The following SGCD variants were observed in gnomAD, a reference collection of about 807,000 sequenced individuals.
SGCD encodes delta-sarcoglycan.
Under a neutral mutation model 36.6 loss-of-function variants are expected in SGCD, and 18 were observed. The observed-to-expected ratio is 0.49, with a 90% CI of 0.34 to 0.73. The LOEUF (loss-of-function observed/expected upper bound fraction) is 0.73, where lower values mean the gene tolerates loss of function less well. Among genes scored for constraint, SGCD ranks in the 30% least tolerant of loss-of-function variants. SGCD has a pLI of 0.01. For missense variants in SGCD, 387 were observed against 346.7 expected (o/e 1.12, Z -0.92); for synonymous variants, 133 against 130.6 (o/e 1.02, Z -0.12).
intron 3 of SGCD, among the ~76,000 whole-genome samples, chr5:156,429,127 T>G (rs1416688042): frequency 6.6e-6 from 1 of 152,086 alleles, no homozygotes; most frequent in African/African-American, 2.4e-5. Context: ...ATTATGTTGC[T>G]GTCTATCTCA....
chr5:156,019,260 TA>T (rs1444202475), intron 1 of SGCD, among the ~76,000 whole-genome samples: 2 of 152,232 alleles, frequency 1.3e-5, no homozygotes, highest in Non-Finnish European at 2.9e-5. Flanking sequence ...AAATGATAGC[TA>T]GGGAGCAGTA....
At chr5:156,076,428 T>G (rs1760786055) in intron 1 of SGCD, among the ~76,000 whole-genome samples, 1 of 152,128 alleles carries the variant, frequency 6.6e-6, no homozygotes, top group African/African-American at 2.4e-5. Flanking sequence ...CTTACCACCT[T>G]GTTCAGTTCA....
At chr5:155,798,349 T>C in the SGCD span, among the ~76,000 whole-genome samples, 1 of 152,230 alleles carries the variant, frequency 6.6e-6, no homozygotes, top group South Asian at 2.1e-4. Context: ...CACGTGGTTA[T>C]ACATTTTTCT....
At chr5:156,070,196 C>G (rs1232766071) in intron 1 of SGCD, among the ~76,000 whole-genome samples, 3 of 150,976 alleles carry the variant, frequency 2.0e-5, no homozygotes, top group Non-Finnish European at 4.4e-5. Flanking sequence ...AGAGGGCATC[C>G]CTGTCTTGTG....
chr5:156,271,472 A>C (rs1766178079), intron 3 of SGCD, among the ~76,000 whole-genome samples: 1 of 152,180 alleles, frequency 6.6e-6, no homozygotes, highest in African/African-American at 2.4e-5. Context: ...GGAAACCATG[A>C]ATTTAAGCCT....
chr5:155,872,850 C>T (rs1755683185), intron 1 of SGCD, among the ~76,000 whole-genome samples: 1 of 152,126 alleles, frequency 6.6e-6, no homozygotes, highest in Admixed American at 6.6e-5. Flanking sequence ...TGTCGGGATC[C>T]AGCATTCGTT....
chr5:156,138,262 G>T (rs149308770), intron 3 of SGCD, among the ~76,000 whole-genome samples: 176 of 152,282 alleles, frequency 1.2e-3, no homozygotes, highest in African/African-American at 4.0e-3. Flanking sequence ...TTAGCCAAGT[G>T]TGATGGTGCA....
chr5:156,632,805 C>T (rs990791050), intron 6 of SGCD, among the ~76,000 whole-genome samples: 18 of 152,134 alleles, frequency 1.2e-4, no homozygotes, highest in African/African-American at 3.4e-4. Flanking sequence ...GGCACGTGTA[C>T]CTTTAGACCC....
chr5:156,367,526 A>G (rs1284884811), intron 3 of SGCD, among the ~76,000 whole-genome samples: 4 of 152,232 alleles, frequency 2.6e-5, no homozygotes, highest in African/African-American at 9.6e-5. Context: ...AAAAGGCTCA[A>G]TCTATGTGTT....
rs114160983 is a variant in SGCD, at chr5:156,255,117, G to A, written c.-43-74417G>A. 2.8e-3 allele frequency among the ~76,000 whole-genome samples: 425 copies of A among 152,126 alleles called. 2 individuals are homozygous for A. The highest frequency in any genetic ancestry group is 9.6e-3 in the African/African-American group (397 of 41,496). ...TATATGAAACGTAAATGAATTTTGC[G>A]TTTAGACTTGGGTCCCATCCCCAAG... On this transcript the variant is annotated intron_variant, in intron 3 of 9. Transcript: ENST00000517913.
At chr5:155,867,688 C>T (rs1755549536), upstream of SGCD, among the ~76,000 whole-genome samples, 2 of 152,132 alleles carry the variant, frequency 1.3e-5, no homozygotes, top group African/African-American at 2.4e-5. Context: ...CTAGCAGCAG[C>T]AGCAGTTGTA....
chr5:156,247,474 C>T (rs1317282853), intron 3 of SGCD, among the ~76,000 whole-genome samples: 1 of 151,930 alleles, frequency 6.6e-6, no homozygotes, highest in Admixed American at 6.6e-5. Flanking sequence ...TGTAGGGAAA[C>T]CAGGTGAGAG....
At chr5:156,733,163 A>G (rs977873637) in intron 7 of SGCD, among the ~76,000 whole-genome samples, 1 of 151,790 alleles carries the variant, frequency 6.6e-6, no homozygotes, top group Non-Finnish European at 1.5e-5. Flanking sequence ...TTAACTAGAG[A>G]GCTTTCTAAC....
intron 3 of SGCD, among the ~76,000 whole-genome samples, chr5:156,349,299 G>A (rs533947175): frequency 2.6e-4 from 39 of 151,924 alleles, no homozygotes; most frequent in African/African-American, 9.2e-4. Flanking sequence ...AAAAGAAATA[G>A]TAATCAGAAT....
At chr5:156,336,774 T>C (rs1768377667) in intron 2 of SGCD, among the ~76,000 whole-genome samples, 1 of 152,244 alleles carries the variant, frequency 6.6e-6, no homozygotes, top group Non-Finnish European at 1.5e-5. Context: ...AATGAGAGAA[T>C]TGTTTAACTG....
intron 3 of SGCD, among the ~76,000 whole-genome samples, chr5:156,288,809 T>C (rs191449594): frequency 1.3e-5 from 2 of 152,290 alleles, no homozygotes; most frequent in East Asian, 3.9e-4. Context: ...TACTGCCTGA[T>C]TAAGTCCGTA....
chr5:155,924,148 A>G (rs1756947075), intron 1 of SGCD, among the ~76,000 whole-genome samples: 1 of 152,186 alleles, frequency 6.6e-6, no homozygotes, highest in African/African-American at 2.4e-5. Flanking sequence ...TCCTTTTGAT[A>G]TAGAAAGAAA....
chr5:156,573,028 A>G (rs1268090470), intron 4 of SGCD, among the ~76,000 whole-genome samples: 1 of 152,162 alleles, frequency 6.6e-6, no homozygotes, highest in African/African-American at 2.4e-5. Context: ...ATGCTTCTTC[A>G]ATAATGGTCA....
chr5:156,275,278 A>G (rs1038199301), intron 3 of SGCD, among the ~76,000 whole-genome samples: 11 of 152,166 alleles, frequency 7.2e-5, no homozygotes, highest in Non-Finnish European at 1.6e-4. Flanking sequence ...CCAGGATAGA[A>G]ACAAGACACC....
Sources: gnomAD v4.1 joint callset for allele counts (sites outside exome capture counted in the v4.1 genomes callset) on GRCh38, gnomAD v4.1.1 for gene constraint, MANE v1.5 for transcripts, NCBI Gene and HGNC (gene_info 2026-07-23, HGNC 2026-07-21) for gene names.